ARHGEF3: variants seen among roughly 807,000 people sequenced by gnomAD.
The protein encoded by ARHGEF3 is 59.8 kDA protein.
A neutral mutation model predicts 63.2 loss-of-function variants in ARHGEF3; 28 were observed. That is an observed-to-expected ratio of 0.44 (90% CI 0.33 to 0.61). The LOEUF is 0.61. Among genes scored for constraint, ARHGEF3 ranks in the 20% least tolerant of loss-of-function variants. The pLI is 0.03. For synonymous variants in ARHGEF3, 266 were observed against 254.2 expected, an observed-to-expected ratio of 1.05 and a Z score of -0.44; for missense variants, 533 against 659.3, an observed-to-expected ratio of 0.81 and a Z score of 2.10.
chr3:56,961,074 C>T (rs1314575064), intron 2 of ARHGEF3, among the ~76,000 whole-genome samples: 4 of 152,196 alleles, frequency 2.6e-5, no homozygotes, highest in African/African-American at 9.7e-5. Flanking sequence ...GATTCAATTA[C>T]AGATGTGCCC....
chr3:56,749,253 T>C (rs1355032814), intron 6 of ARHGEF3, among the ~76,000 whole-genome samples: 1 of 152,222 alleles, frequency 6.6e-6, no homozygotes, highest in Non-Finnish European at 1.5e-5. Flanking sequence ...TGGGCCAGCA[T>C]GGTCACACTT....
chr3:57,074,216 C>A, intron 1 of ARHGEF3: 1 of 1,614,036 alleles, frequency 6.2e-7, no homozygotes, highest in Non-Finnish European at 8.5e-7. Context: ...GCTGCTTTGT[C>A]AGGTCCCTCT....
intron 2 of ARHGEF3, among the ~76,000 whole-genome samples, chr3:56,964,510 A>C: frequency 6.6e-6 from 1 of 152,054 alleles, no homozygotes; most frequent in Non-Finnish European, 1.5e-5. Flanking sequence ...TACTCGTGGG[A>C]GCTCACCCAC....
At position 56,887,104 on chromosome 3, in the gene ARHGEF3, A is replaced by G. The variant is rs188782925; in HGVS notation, c.130-4750T>C. Among the ~76,000 whole-genome samples, 30 of 151,510 alleles carry G rather than the reference A, an allele frequency of 2.0e-4. No homozygotes were observed. The East Asian group carries it at 5.8e-3, about 29-fold the overall frequency. The stretch of plus-strand genomic sequence containing the variant: ...GTCCTTTCTAGTTTTAAGAGCTATC[A>G]GTGTCTGCTATCAGGTAGCAGGCAT... On this transcript the variant is annotated intron_variant, in intron 3 of 12. Coordinates refer to the ARHGEF3 transcript ENST00000338458.
rs1321270072 is a variant in ARHGEF3, at chr3:56,745,443, T to C, written c.632A>G (p.Tyr211Cys). ...TACTTGATTGCTGCAGTAGCTATCA[T>C]AGGAGCTGAGGCAAGGGAGCTAAGA... ...LVGWLPCLSSYDSYCSNQVAA... is the reference protein window; with the variant it reads ...LVGWLPCLSSCDSYCSNQVAA... The change falls in exon 7 of 10, where the codon TAT (tyrosine) becomes TGT (cysteine). Residue 211 changes from tyrosine to cysteine, a missense_variant. Tyr to Cys is a radical substitution (Grantham distance 194). This residue lies in a region of ARHGEF3 where 107 missense variants were observed against 207.9 expected (regional missense o/e 0.51). Coordinates refer to ENST00000296315, the MANE Select transcript of ARHGEF3 (RefSeq NM_019555.3). The C allele has an allele frequency of 2.5e-6, 4 of 1,613,980 alleles. No homozygotes were observed. The highest frequency in any genetic ancestry group is 1.3e-5 in the African/African-American group (1 of 74,980).
Position 56,794,290 on chromosome 3 carries a change from C to G in ARHGEF3, c.96+7413G>C, listed in dbSNP as rs145714216. Among the ~76,000 whole-genome samples, 374 of 152,076 alleles carry G rather than the reference C, an allele frequency of 2.5e-3. 1 individual carries two copies. The highest frequency in any genetic ancestry group is 8.8e-3 in the African/African-American group (365 of 41,466). ...ATTATCTCAGGTCAGGAGTTCGAGA[C>G]CAGCCTGGCCAACATGGTGAAACCC... On this transcript the variant is annotated intron_variant, in intron 1 of 9. Transcript: ENST00000296315.
At chr3:56,932,547 GCATTCA>G (rs1297173332) in intron 3 of ARHGEF3, among the ~76,000 whole-genome samples, 1 of 151,062 alleles carries the variant, frequency 6.6e-6, no homozygotes, top group Admixed American at 6.6e-5. Flanking sequence ...ACATTAGTGG[GCATTCA>G]CACTTTTTCC....
chr3:56,823,397 G>A (rs62249776), intron 4 of ARHGEF3, among the ~76,000 whole-genome samples: 1 of 152,094 alleles, frequency 6.6e-6, no homozygotes, highest in Non-Finnish European at 1.5e-5. Context: ...TCATGGTCCA[G>A]CCAGGCATAT....
chr3:57,052,546 T>G (rs1704721152), intron 1 of ARHGEF3, among the ~76,000 whole-genome samples: 1 of 151,816 alleles, frequency 6.6e-6, no homozygotes, highest in African/African-American at 2.4e-5. Context: ...ATCTGCCCAC[T>G]TCAGCCTCCC....
chr3:56,837,143 G>A (rs953316007), intron 4 of ARHGEF3, among the ~76,000 whole-genome samples: 1 of 152,170 alleles, frequency 6.6e-6, no homozygotes, highest in Non-Finnish European at 1.5e-5. Flanking sequence ...TCAGAGTCAG[G>A]AGGTTCAGAA....
At chr3:56,931,977 T>C (rs1243617883) in intron 3 of ARHGEF3, among the ~76,000 whole-genome samples, 2 of 152,174 alleles carry the variant, frequency 1.3e-5, no homozygotes, top group Non-Finnish European at 2.9e-5. Flanking sequence ...TTGTTGCTGT[T>C]AGAAAAAGAA....
chr3:56,748,428 C>T (rs1327018236), intron 6 of ARHGEF3, among the ~76,000 whole-genome samples: 1 of 152,184 alleles, frequency 6.6e-6, no homozygotes, highest in Non-Finnish European at 1.5e-5. Context: ...CTTGCTTCCC[C>T]TTTACCCTCA....
At chr3:56,781,744 T>A (rs1302947877) in intron 1 of ARHGEF3, among the ~76,000 whole-genome samples, 1 of 152,250 alleles carries the variant, frequency 6.6e-6, no homozygotes, top group Non-Finnish European at 1.5e-5. Flanking sequence ...TTTGTGACTT[T>A]GTGCATTCTT....
chr3:56,848,252 G>A (rs1309992702), intron 4 of ARHGEF3, among the ~76,000 whole-genome samples: 3 of 152,180 alleles, frequency 2.0e-5, no homozygotes, highest in Non-Finnish European at 2.9e-5. Context: ...AGGACTGGGT[G>A]AGTGATAAAG....
chr3:56,866,935 C>T (rs1330310338), intron 4 of ARHGEF3, among the ~76,000 whole-genome samples: 3 of 152,262 alleles, frequency 2.0e-5, no homozygotes, highest in Admixed American at 1.3e-4. Flanking sequence ...AACAATTCCA[C>T]ATCCATATGA....
upstream of ARHGEF3, among the ~76,000 whole-genome samples, chr3:56,802,157 C>T (rs1332520624): frequency 5.3e-5 from 8 of 152,178 alleles, no homozygotes; most frequent in African/African-American, 9.7e-5. Context: ...TCCGGGCGCC[C>T]CCGCAGAGCG....
chr3:56,879,151 G>C (rs142753536), intron 4 of ARHGEF3, among the ~76,000 whole-genome samples: 9 of 152,252 alleles, frequency 5.9e-5, no homozygotes, highest in African/African-American at 2.2e-4. Flanking sequence ...GTATTACAAT[G>C]TAATAATAAT....
intron 4 of ARHGEF3, among the ~76,000 whole-genome samples, chr3:56,879,021 C>G (rs1274516488): frequency 6.6e-6 from 1 of 152,226 alleles, no homozygotes; most frequent in Admixed American, 6.5e-5. Flanking sequence ...TTGTGAGATT[C>G]TAATGCCTGA....
intron 2 of ARHGEF3, among the ~76,000 whole-genome samples, chr3:57,006,295 G>T (rs1189878537): frequency 6.6e-6 from 1 of 152,176 alleles, no homozygotes; most frequent in Non-Finnish European, 1.5e-5. Flanking sequence ...CCCAGCTGTC[G>T]ATGCCAATGA....
Sources: gnomAD v4.1 joint callset for allele counts (sites outside exome capture counted in the v4.1 genomes callset) on GRCh38, gnomAD v4.1.1 for gene constraint, gnomAD v4.1.1 regional missense constraint, MANE v1.5 for transcripts, NCBI Gene and HGNC (gene_info 2026-07-23, HGNC 2026-07-21) for gene names.